Variants in UBTD1 observed in about 807,000 individuals in gnomAD.
UBTD1 encodes the protein ubiquitin domain-containing protein 1.
Under a neutral mutation model 21.7 loss-of-function variants are expected in UBTD1, and 19 were observed. The ratio of observed to expected loss-of-function variants is 0.87; its 90% CI spans 0.61 to 1.28. UBTD1 has a LOEUF of 1.28. UBTD1 is among the 50% of genes most tolerant of loss of function. The pLI is 0.00. For synonymous variants in UBTD1, 116 were observed against 135.1 expected, an observed-to-expected ratio of 0.86 and a Z score of 0.98; for missense variants, 282 against 315.1, an observed-to-expected ratio of 0.89 and a Z score of 0.80.
chr10:97,556,647 A>G lies in UBTD1; in HGVS notation c.71-11267A>G, dbSNP rs1028553614. Among the ~76,000 whole-genome samples the G allele has an allele frequency of 2.6e-5, 4 of 152,346 alleles. No homozygotes were observed. In the East Asian group the frequency reaches 5.8e-4, roughly 22 times the overall value. ...CTATGCTTCGTTTTTCGCGGGAAGCATAGACTGGGAAGCCCAGAAGTTTAC... is the reference window on the plus strand; with the variant it reads ...CTATGCTTCGTTTTTCGCGGGAAGCGTAGACTGGGAAGCCCAGAAGTTTAC... On this transcript the variant is annotated intron_variant, in intron 1 of 2. Transcript: ENST00000370664.
intron 1 of UBTD1, among the ~76,000 whole-genome samples, chr10:97,499,572 G>T (rs1315985497): frequency 6.6e-6 from 1 of 152,184 alleles, no homozygotes; most frequent in South Asian, 2.1e-4. Flanking sequence ...TCGGGAGGAG[G>T]CCGGGGGCGA....
Position 97,499,152 on chromosome 10 carries a change from C to A in UBTD1, c.-52C>A. On this transcript the variant is annotated 5_prime_UTR_variant, in exon 1 of 3. Transcript: ENST00000370664. ...ACCCGGGACGCCGCCGTCCGCTGAG[C>A]AGCCGACCACCCCGCCGCCTCCGGT... The A allele has an allele frequency of 1.3e-6, 2 of 1,495,570 alleles. No individual in the cohort carries two copies. The highest frequency in any genetic ancestry group is 2.2e-5 in the Admixed American group (1 of 45,792). The allele number at this position is 1,495,570 out of a possible 1,614,324, so 92.6% of individuals were successfully genotyped here.
rs930248767 is a variant in UBTD1, at chr10:97,534,579, G to GCGCACACA, written c.71-33334_71-33333insGCACACAC. Among the ~76,000 whole-genome samples the GCGCACACA allele has an allele frequency of 1.6e-3, 236 of 145,358 alleles. 5 individuals are homozygous for GCGCACACA. Among genetic ancestry groups the GCGCACACA allele is most frequent in the South Asian group, 0.014 (62 of 4,562 alleles). On this transcript the variant is annotated intron_variant, in intron 1 of 2. Transcript: ENST00000370664. ...CACTAAGGAACACACACGCGCGCGC[G>GCGCACACA]CACACACACACACACACACACACAC...
chr10:97,499,106 G>T lies in UBTD1; in HGVS notation c.-98G>T. On this transcript the variant is annotated 5_prime_UTR_variant, in exon 1 of 3. An upstream start codon of the reference 5' UTR is lost. Transcript: ENST00000370664. ...GGGGGGAGATCGGGGAGCGCCCGAT[G>T]CCGGGCGGCCGGAGCCATTGACCCG... 7.4e-7 allele frequency: 1 copy of T among 1,355,818 alleles called. No individual in the cohort carries two copies. Among genetic ancestry groups the T allele is most frequent in the South Asian group, 1.5e-5 (1 of 68,094 alleles). The allele number at this position is 1,355,818 out of a possible 1,614,324, so 84.0% of individuals were successfully genotyped here. A position where few individuals can be genotyped will look rare whatever the true frequency, so the allele number is the denominator to read the frequency against.
intron 1 of UBTD1, among the ~76,000 whole-genome samples, chr10:97,561,049 G>T (rs1484500192): frequency 6.6e-6 from 1 of 152,120 alleles, no homozygotes; most frequent in African/African-American, 2.4e-5. Flanking sequence ...AAGTTCCAAA[G>T]ACTAGTCTTA....
At chr10:97,505,761 G>T (rs2040396205) in intron 1 of UBTD1, among the ~76,000 whole-genome samples, 16 of 152,160 alleles carry the variant, frequency 1.1e-4, no homozygotes, top group Admixed American at 1.0e-3. Context: ...CAGAGAGGTT[G>T]TAAGATTAAA....
chr10:97,567,883 G>T, intron 1 of UBTD1, 31 bp from the exon 2 acceptor site: 1 of 1,611,524 alleles, frequency 6.2e-7, no homozygotes, highest in Non-Finnish European at 8.5e-7. Flanking sequence ...TGGCTTTAGA[G>T]ATGCTGAGCC....
At chr10:97,563,494 G>A (rs534440418) in intron 1 of UBTD1, among the ~76,000 whole-genome samples, 1 of 152,286 alleles carries the variant, frequency 6.6e-6, no homozygotes, top group South Asian at 2.1e-4. Flanking sequence ...GTGGAGATAG[G>A]TAGGGAGAGG....
At chr10:97,531,547 G>A (rs1170948650) in intron 1 of UBTD1, among the ~76,000 whole-genome samples, 2 of 152,080 alleles carry the variant, frequency 1.3e-5, no homozygotes, top group East Asian at 1.9e-4. Flanking sequence ...CACCAAGCCC[G>A]GCCGACATAT....
At chr10:97,532,534 G>A (rs1298737529) in intron 1 of UBTD1, among the ~76,000 whole-genome samples, 1 of 152,190 alleles carries the variant, frequency 6.6e-6, no homozygotes, top group African/African-American at 2.4e-5. Flanking sequence ...GCTCACGCCT[G>A]TAATCCCAGC....
intron 1 of UBTD1, among the ~76,000 whole-genome samples, chr10:97,500,380 C>G (rs781711522): frequency 1.3e-5 from 2 of 152,154 alleles, no homozygotes; most frequent in East Asian, 1.9e-4. Flanking sequence ...CCAGGGGAAG[C>G]AGGGAAGGAT....
intron 1 of UBTD1, among the ~76,000 whole-genome samples, chr10:97,522,890 C>T (rs559310944): frequency 6.6e-6 from 1 of 152,292 alleles, no homozygotes; most frequent in African/African-American, 2.4e-5. Flanking sequence ...CCAGGGCCAC[C>T]CTGGCCACTC....
At chr10:97,564,710 C>T (rs2040709465) in intron 1 of UBTD1, among the ~76,000 whole-genome samples, 1 of 152,124 alleles carries the variant, frequency 6.6e-6, no homozygotes, top group Non-Finnish European at 1.5e-5. Context: ...ATTACAGGTG[C>T]CTGCTGCCAC....
At chr10:97,554,662 C>T (rs974612818) in intron 1 of UBTD1, among the ~76,000 whole-genome samples, 2 of 152,082 alleles carry the variant, frequency 1.3e-5, no homozygotes, top group African/African-American at 4.8e-5. Context: ...GTGACCCTCC[C>T]ATCTCAGCCT....
At chr10:97,562,135 G>A (rs1311593698) in intron 1 of UBTD1, among the ~76,000 whole-genome samples, 1 of 152,128 alleles carries the variant, frequency 6.6e-6, no homozygotes, top group African/African-American at 2.4e-5. Flanking sequence ...CAGGCGTGGT[G>A]GCTCACGTCT....
intron 1 of UBTD1, among the ~76,000 whole-genome samples, chr10:97,520,472 T>C (rs2040462325): frequency 6.6e-6 from 1 of 152,066 alleles, no homozygotes; most frequent in Non-Finnish European, 1.5e-5. Flanking sequence ...TCCCACAGAA[T>C]AACAGGGAAA....
chr10:97,512,367 T>G (rs1048807455), intron 1 of UBTD1, among the ~76,000 whole-genome samples: 4 of 152,114 alleles, frequency 2.6e-5, no homozygotes, highest in African/African-American at 9.7e-5. Context: ...CCCTATACTC[T>G]CATATCAGAT....
intron 1 of UBTD1, among the ~76,000 whole-genome samples, chr10:97,547,037 T>G (rs2040614377): frequency 6.6e-6 from 1 of 152,170 alleles, no homozygotes; most frequent in Non-Finnish European, 1.5e-5. Flanking sequence ...CAGAAGACTT[T>G]AAGGTCGCTC....
chr10:97,536,917 T>C (rs2040565051), intron 1 of UBTD1, among the ~76,000 whole-genome samples: 1 of 152,046 alleles, frequency 6.6e-6, no homozygotes, highest in Non-Finnish European at 1.5e-5. Flanking sequence ...AGGGTGCAAC[T>C]GTGAGGGAGA....
Sources: allele counts gnomAD v4.1 joint callset (sites outside exome capture counted in the v4.1 genomes callset), GRCh38; gene constraint gnomAD v4.1.1; transcripts MANE v1.5; gene names NCBI Gene and HGNC (gene_info 2026-07-23, HGNC 2026-07-21).